Variants in OPCML observed in about 807,000 individuals in gnomAD.
The protein encoded by OPCML is opioid binding protein/cell adhesion molecule like.
In OPCML, 13 loss-of-function variants were observed where a neutral mutation model predicts 37.8. The ratio of observed to expected loss-of-function variants is 0.34; its 90% CI spans 0.22 to 0.55. OPCML has a LOEUF of 0.55. OPCML is among the 20% of genes least tolerant of loss of function. The pLI is 0.91. For missense variants in OPCML, 341 were observed against 435.6 expected (o/e 0.78, Z 1.93); for synonymous variants, 176 against 168.8 (o/e 1.04, Z -0.33).
At chr11:133,364,385 G>A (rs755256567) in intron 1 of OPCML, among the ~76,000 whole-genome samples, 1 of 152,186 alleles carries the variant, frequency 6.6e-6, no homozygotes, top group Non-Finnish European at 1.5e-5. Context: ...AGTAGTAGAG[G>A]TGGGAGCCCT....
chr11:133,385,239 G>C (rs1192731619), intron 1 of OPCML, among the ~76,000 whole-genome samples: 1 of 152,178 alleles, frequency 6.6e-6, no homozygotes, highest in Non-Finnish European at 1.5e-5. Flanking sequence ...TCCTCAGATG[G>C]CTGCAATCCC....
rs1194829761 is a variant in OPCML, at chr11:132,792,491, T to A, written c.147-135172A>T. ...TCATCCCCATCCTGGCTCCAAGGAG[T>A]CCGCTCTCCCCACCCCCATTTCCAT... On this transcript the variant is annotated intron_variant, in intron 2 of 7. Coordinates refer to ENST00000524381, the MANE Select transcript of OPCML (RefSeq NM_001012393.5). Among the ~76,000 whole-genome samples the A allele has an allele frequency of 2.0e-5, 3 of 152,118 alleles. No homozygotes were observed. The South Asian group carries it at 6.2e-4, about 32-fold the overall frequency.
chr11:132,724,639 G>A (rs951486197), intron 2 of OPCML, among the ~76,000 whole-genome samples: 5 of 152,202 alleles, frequency 3.3e-5, no homozygotes, highest in African/African-American at 1.2e-4. Context: ...ACCCATTTTA[G>A]TATTAACTCC....
intron 1 of OPCML, among the ~76,000 whole-genome samples, chr11:133,516,096 C>T (rs1033524023): frequency 2.4e-4 from 37 of 152,098 alleles, no homozygotes; most frequent in African/African-American, 8.7e-4. Context: ...AGAAGCTGGG[C>T]AGGAGCCATG....
chr11:132,915,075 C>T (rs1014620844), intron 2 of OPCML, among the ~76,000 whole-genome samples: 2 of 152,136 alleles, frequency 1.3e-5, no homozygotes, highest in Non-Finnish European at 1.5e-5. Context: ...ATTACATTAA[C>T]TCAACATCTA....
intron 1 of OPCML, among the ~76,000 whole-genome samples, chr11:132,978,221 G>A (rs1259179166): frequency 1.3e-5 from 2 of 152,164 alleles, no homozygotes; most frequent in Admixed American, 6.5e-5. Context: ...GAGATAAAAG[G>A]TAGGAAAATC....
At chr11:132,496,941 T>A (rs1359213842) in intron 4 of OPCML, among the ~76,000 whole-genome samples, 1 of 152,186 alleles carries the variant, frequency 6.6e-6, no homozygotes, top group African/African-American at 2.4e-5. Context: ...GTACCTTATA[T>A]GCACTGCTTA....
intron 2 of OPCML, among the ~76,000 whole-genome samples, chr11:132,773,993 G>A (rs957908393): frequency 6.6e-6 from 1 of 152,212 alleles, no homozygotes; most frequent in African/African-American, 2.4e-5. Context: ...CCACTAGTCT[G>A]CAGTCATAGC....
rs147212826 is a variant in OPCML, at chr11:132,758,784, C to T, written c.147-101465G>A. 3.3e-5 allele frequency among the ~76,000 whole-genome samples: 5 copies of T among 152,262 alleles called. No homozygotes were observed. The East Asian group carries it at 9.7e-4, about 29-fold the overall frequency. ...GACTTCTTCTCTTCCTATTTGAATA[C>T]CCTTTATTTCTTGCTCTTGCCTGAT... On this transcript the variant is annotated intron_variant, in intron 2 of 7. Coordinates refer to ENST00000524381, the MANE Select transcript of OPCML (RefSeq NM_001012393.5).
At chr11:133,346,231 T>C (rs535546521) in intron 1 of OPCML, among the ~76,000 whole-genome samples, 12 of 152,012 alleles carry the variant, frequency 7.9e-5, no homozygotes, top group Non-Finnish European at 1.5e-4. Flanking sequence ...GGGCAAGAGG[T>C]CGGAGTCCCT....
chr11:132,876,133 C>G (rs12576355), intron 2 of OPCML, among the ~76,000 whole-genome samples: 8,724 of 152,292 alleles, frequency 0.057, 336 homozygotes, highest in South Asian at 0.18. Context: ...CCAGTCCAAA[C>G]TAACTCCAAT....
At chr11:132,895,969 G>C (rs981421672) in intron 2 of OPCML, among the ~76,000 whole-genome samples, 1 of 152,166 alleles carries the variant, frequency 6.6e-6, no homozygotes, top group African/African-American at 2.4e-5. Flanking sequence ...ATGCTTGTGG[G>C]AATGCATACT....
intron 2 of OPCML, among the ~76,000 whole-genome samples, chr11:132,769,945 A>C (rs1419678268): frequency 2.6e-5 from 4 of 152,290 alleles, no homozygotes; most frequent in East Asian, 3.9e-4. Context: ...TCACACAGGC[A>C]TCATGGGGAG....
At chr11:132,694,388 G>A (rs1462548405) in intron 2 of OPCML, among the ~76,000 whole-genome samples, 1 of 151,758 alleles carries the variant, frequency 6.6e-6, no homozygotes, top group Non-Finnish European at 1.5e-5. Flanking sequence ...TAGTAGAGGT[G>A]AGGTTTCACC....
intron 1 of OPCML, among the ~76,000 whole-genome samples, chr11:133,524,814 A>G (rs1170625824): frequency 6.6e-6 from 1 of 152,226 alleles, no homozygotes; most frequent in Non-Finnish European, 1.5e-5. Context: ...CACATCCCCA[A>G]GCTTCTTGCC....
intron 2 of OPCML, among the ~76,000 whole-genome samples, chr11:132,783,736 G>A (rs1947109845): frequency 6.6e-6 from 1 of 152,056 alleles, no homozygotes; most frequent in Non-Finnish European, 1.5e-5. Context: ...CTTTCCCTAA[G>A]TATAGAATTG....
intron 1 of OPCML, among the ~76,000 whole-genome samples, chr11:133,078,758 A>G (rs2137025315): frequency 6.6e-6 from 1 of 152,232 alleles, no homozygotes; most frequent in South Asian, 2.1e-4. Flanking sequence ...CAGGCACAAG[A>G]GGGCGCTCCG....
At chr11:133,187,038 G>A (rs930477592) in intron 1 of OPCML, among the ~76,000 whole-genome samples, 2 of 152,156 alleles carry the variant, frequency 1.3e-5, no homozygotes, top group African/African-American at 4.8e-5. Context: ...GTTTAGATCT[G>A]AGCATTTACT....
At chr11:133,269,744 A>G (rs895924912) in intron 1 of OPCML, among the ~76,000 whole-genome samples, 11 of 152,304 alleles carry the variant, frequency 7.2e-5, no homozygotes, top group East Asian at 5.8e-4. Flanking sequence ...GCAGCAAACC[A>G]TCTCTCTAAC....
Sources: allele counts gnomAD v4.1 joint callset (sites outside exome capture counted in the v4.1 genomes callset), GRCh38; gene constraint gnomAD v4.1.1; transcripts MANE v1.5; gene names NCBI Gene and HGNC (gene_info 2026-07-23, HGNC 2026-07-21).